GTPBP1: variants seen among roughly 807,000 people sequenced by gnomAD.
The protein encoded by GTPBP1 is GTP binding protein 1, also known as GTP-binding protein 1.
In GTPBP1, 23 loss-of-function variants were observed where a neutral mutation model predicts 62.0. The ratio of observed to expected loss-of-function variants is 0.37; its 90% confidence interval spans 0.27 to 0.53. GTPBP1 has a LOEUF of 0.53. GTPBP1 is among the 20% of genes least tolerant of loss of function. GTPBP1 has a pLI of 0.89. For synonymous variants in GTPBP1, 344 were observed against 364.4 expected (o/e 0.94, Z 0.64); for missense variants, 640 against 917.3 (o/e 0.70, Z 3.90).
Position 38,730,997 on chromosome 22 carries a change from C to T in GTPBP1, c.*293C>T. The T allele has an allele frequency of 2.6e-6, 1 of 389,264 alleles. No individual in the cohort carries two copies. Among genetic ancestry groups the T allele is most frequent in the Admixed American group, 4.6e-5 (1 of 21,864 alleles). The allele number at this position is 389,264 out of a possible 1,614,324, so 24.1% of individuals were successfully genotyped here. A position where few individuals can be genotyped will look rare whatever the true frequency, so the allele number is the denominator to read the frequency against. Reference sequence around the variant, plus strand: ...TTTTTATTCTGTTTATTATATGTCTCTGTCTCTCTCTATTGTGTGTGTGTG... The same window carrying T: ...TTTTTATTCTGTTTATTATATGTCTTTGTCTCTCTCTATTGTGTGTGTGTG... On this transcript the variant is annotated 3_prime_UTR_variant, in exon 12 of 12. Coordinates refer to ENST00000216044, the MANE Select transcript of GTPBP1 (RefSeq NM_004286.5). The surrounding 1 kb of genome is among the most constrained non-coding windows in gnomAD (Gnocchi z 5.6).
At chr22:38,736,822 T>C (rs2092809870), downstream of GTPBP1, 1 of 155,638 alleles carries the variant, frequency 6.4e-6, no homozygotes, top group African/African-American at 2.4e-5. Flanking sequence ...GTCCCTTCTC[T>C]CTGGCACATC....
At chr22:38,737,967 T>G, downstream of GTPBP1, 1 of 704,924 alleles carries the variant, frequency 1.4e-6, no homozygotes, top group Non-Finnish European at 2.6e-6. The surrounding 1 kb of genome is among the most constrained non-coding windows in gnomAD (Gnocchi z 4.1). Context: ...TCCCTCATGC[T>G]GCCCTTCTGG....
At chr22:38,711,950 G>A (rs572570950) in intron 2 of GTPBP1, among the ~76,000 whole-genome samples, 11 of 151,770 alleles carry the variant, frequency 7.2e-5, no homozygotes, top group South Asian at 2.1e-4. Context: ...GTATGATCTC[G>A]GCTCACTGCA....
At chr22:38,735,337 G>C (rs1003423118), downstream of GTPBP1, 1 of 428,692 alleles carries the variant, frequency 2.3e-6, no homozygotes, top group Non-Finnish European at 4.6e-6. Context: ...GGTGCAGACA[G>C]ACCTCGCACC....
downstream of GTPBP1, chr22:38,734,446 A>C (rs1436144999): frequency 2.8e-6 from 1 of 355,118 alleles, no homozygotes; most frequent in Non-Finnish European, 5.8e-6. Context: ...AGAGACAGGA[A>C]AGCCCCACTG....
downstream of GTPBP1, chr22:38,738,849 C>T (rs772126325): frequency 1.8e-4 from 286 of 1,596,790 alleles, 2 homozygotes; most frequent in Non-Finnish European, 3.3e-5. The surrounding 1 kb of genome is among the most constrained non-coding windows in gnomAD (Gnocchi z 6.6). Flanking sequence ...AGAGCCCCCG[C>T]TGCTGTGCTT....
downstream of GTPBP1, among the ~76,000 whole-genome samples, chr22:38,733,952 T>C (rs1245093134): frequency 6.6e-6 from 1 of 152,184 alleles, no homozygotes; most frequent in Non-Finnish European, 1.5e-5. Context: ...TGCGTGGGGA[T>C]GTCTCCTTTG....
chr22:38,714,348 G>A (rs1049122606), intron 2 of GTPBP1, among the ~76,000 whole-genome samples: 3 of 152,002 alleles, frequency 2.0e-5, no homozygotes, highest in Non-Finnish European at 2.9e-5. Flanking sequence ...GCATGATGGC[G>A]GGCGCCTGTA....
rs539073988 is a variant in GTPBP1 at position 38,706,086 on chromosome 22, C to T, written c.131C>T (p.Ser44Leu). 6 of 1,333,844 alleles carry T rather than the reference C, an allele frequency of 4.5e-6. No homozygotes were observed. In the South Asian group the frequency reaches 7.1e-5, roughly 16 times the overall value. 82.6% of individuals were successfully genotyped at this position (1,333,844 alleles called of 1,614,324 possible). The change falls in exon 1 of 12, where the codon TCG becomes TTG. Residue 44 changes from serine to leucine, a missense_variant. Around this residue, in one of 4 missense-constraint regions of GTPBP1, gnomAD observed 215 missense variants for 235.1 expected, o/e 0.91. Coordinates refer to ENST00000216044, the MANE Select transcript of GTPBP1 (RefSeq NM_004286.5). Reference sequence around the variant, plus strand: ...GCCCGACTCCACGGCGGCTTTGACTCGGACTGCAGCGAGGACGGCGAGGCG... The same window carrying T: ...GCCCGACTCCACGGCGGCTTTGACTTGGACTGCAGCGAGGACGGCGAGGCG... Reference protein sequence around the residue: ...AAARLHGGFDSDCSEDGEALN... With the variant: ...AAARLHGGFDLDCSEDGEALN...
At chr22:38,722,349 T>C (rs1237699423) in intron 5 of GTPBP1, among the ~76,000 whole-genome samples, 1 of 152,192 alleles carries the variant, frequency 6.6e-6, no homozygotes, top group Non-Finnish European at 1.5e-5. Context: ...TAAAAGAAAA[T>C]TCAGCTTAAT....
chr22:38,739,833 C>G (rs148038201), downstream of GTPBP1: 19 of 1,613,624 alleles, frequency 1.2e-5, no homozygotes, highest in Non-Finnish European at 9.3e-6. This position sits in a 1 kb window ranked among gnomAD's most constrained non-coding sequence, Gnocchi z 6.7. Context: ...GGATCTTGCT[C>G]TCCAGCTCTC....
intron 4 of GTPBP1, among the ~76,000 whole-genome samples, chr22:38,718,265 G>A (rs528036565): frequency 7.7e-4 from 118 of 152,294 alleles, no homozygotes; most frequent in African/African-American, 2.7e-3. Flanking sequence ...ATATTAAGAA[G>A]GGTATAGAAA....
Position 38,706,093 on chromosome 22 carries a change from C to G in GTPBP1, c.138C>G (p.Cys46Trp). ...ARLHGGFDSDCSEDGEALNGE... is the reference protein window; with the variant it reads ...ARLHGGFDSDWSEDGEALNGE... ...TCCACGGCGGCTTTGACTCGGACTG[C>G]AGCGAGGACGGCGAGGCGCTCAACG... The change falls in exon 1 of 12, where the codon TGC becomes TGG. Residue 46 changes from cysteine (C) to tryptophan (W), a missense_variant. Physicochemically the swap from Cys to Trp is radical, Grantham distance 215. Around this residue, in one of 4 missense-constraint regions of GTPBP1, gnomAD observed 215 missense variants for 235.1 expected, o/e 0.91. Transcript: ENST00000216044. 1 of 1,322,536 alleles carries G rather than the reference C, an allele frequency of 7.6e-7. No individual in the cohort carries two copies. Among genetic ancestry groups the G allele is most frequent in the Non-Finnish European group, 9.7e-7 (1 of 1,036,112 alleles). The allele number at this position is 1,322,536 out of a possible 1,614,324, so 81.9% of individuals were successfully genotyped here.
Position 38,726,148 on chromosome 22 carries a change from C to T in GTPBP1, c.1216C>T (p.Pro406Ser), listed in dbSNP as rs940326206. The stretch of plus-strand genomic sequence containing the variant: ...TCAGATTGATGACACCTACTCCGTC[C>T]CGGTAAGTGGCTCTGGGCGGGTAGC... ...EFQIDDTYSVPGVGTVVSGTT... is the reference protein window; with the variant it reads ...EFQIDDTYSVSGVGTVVSGTT... Residue 406 changes from proline to serine, a missense_variant and splice_region_variant, in exon 7 of 12, where the codon CCG (proline) becomes TCG (serine). Physicochemically the swap from Pro to Ser is moderately conservative, Grantham distance 74. This residue lies in a region of GTPBP1 where 220 missense variants were observed against 358.1 expected (regional missense o/e 0.61). Coordinates refer to ENST00000216044, the MANE Select transcript of GTPBP1 (RefSeq NM_004286.5). This position sits in a 1 kb window ranked among gnomAD's most constrained non-coding sequence, Gnocchi z 4.1. 1.2e-6 allele frequency: 2 copies of T among 1,611,368 alleles called. No homozygotes were observed. Among genetic ancestry groups the T allele is most frequent in the African/African-American group, 1.3e-5 (1 of 74,860 alleles).
At chr22:38,738,362 C>T, downstream of GTPBP1, 1 of 1,190,858 alleles carries the variant, frequency 8.4e-7, no homozygotes, top group Non-Finnish European at 1.2e-6. This position sits in a 1 kb window ranked among gnomAD's most constrained non-coding sequence, Gnocchi z 6.6. Flanking sequence ...AGGTCAGGCA[C>T]CAGAGTGGCC....
chr22:38,727,914 C>A lies in GTPBP1; in HGVS notation c.1538-69C>A. 9.4e-7 allele frequency: 1 copy of A among 1,066,086 alleles called. No individual in the cohort carries two copies. Among genetic ancestry groups the A allele is most frequent in the Non-Finnish European group, 1.4e-6 (1 of 690,292 alleles). The allele number at this position is 1,066,086 out of a possible 1,614,324, so 66.0% of individuals were successfully genotyped here. A position where few individuals can be genotyped will look rare whatever the true frequency, so the allele number is the denominator to read the frequency against. ...CTTAAGCGTATTTCATGCTTTCACTCACTGCCTCCCGTTGTCCTGAAGCCA... is the reference window on the plus strand; with the variant it reads ...CTTAAGCGTATTTCATGCTTTCACTAACTGCCTCCCGTTGTCCTGAAGCCA... On this transcript the variant is annotated intron_variant, in intron 9 of 11. Transcript: ENST00000216044. This position sits in a 1 kb window ranked among gnomAD's most constrained non-coding sequence, Gnocchi z 6.5.
chr22:38,719,967 C>G (rs1393923102), intron 4 of GTPBP1, among the ~76,000 whole-genome samples: 1 of 141,212 alleles, frequency 7.1e-6, no homozygotes. Flanking sequence ...CTCGCTCTGT[C>G]GCCCAGGCTG....
chr22:38,739,449 C>T (rs35972770), downstream of GTPBP1: 49,911 of 1,612,006 alleles, frequency 0.031, 963 homozygotes, highest in Middle Eastern at 0.065. The surrounding 1 kb of genome is among the most constrained non-coding windows in gnomAD (Gnocchi z 6.7). Context: ...CACCAGGAGA[C>T]GGTTGCAGCA....
intron 1 of GTPBP1, among the ~76,000 whole-genome samples, chr22:38,707,081 G>T (rs2092609595): frequency 6.6e-6 from 1 of 152,158 alleles, no homozygotes; most frequent in Non-Finnish European, 1.5e-5. Context: ...CTCATCTTAA[G>T]AAAGTACAGA....
Sources: gnomAD v4.1 joint callset for allele counts (sites outside exome capture counted in the v4.1 genomes callset) on GRCh38, gnomAD v4.1.1 for gene constraint, gnomAD v4.1.1 regional missense constraint, Gnocchi (gnomAD v3.1) non-coding constraint, MANE v1.5 for transcripts, NCBI Gene and HGNC (gene_info 2026-07-23, HGNC 2026-07-21) for gene names.